LRRC45: variants seen among roughly 807,000 people sequenced by gnomAD.
LRRC45 encodes the protein leucine-rich repeat-containing protein 45.
In LRRC45, 73 loss-of-function variants were observed where a neutral mutation model predicts 85.4. That is an observed-to-expected ratio of 0.85 (90% CI 0.71 to 1.04). The LOEUF (loss-of-function observed/expected upper bound fraction) is 1.04. LRRC45 is among the 50% of genes least tolerant of loss of function. The pLI, the probability that LRRC45 is intolerant of heterozygous loss-of-function variation, is 0.00. For synonymous variants in LRRC45, 429 were observed against 386.0 expected (o/e 1.11, Z -1.31); for missense variants, 937 against 883.3 (o/e 1.06, Z -0.77).
In LRRC45 at chr17:82,025,094, G is replaced by A. The variant is rs760009238; in HGVS notation, c.448G>A (p.Asp150Asn). The A allele has an allele frequency of 5.0e-6, 8 of 1,610,748 alleles. No individual in the cohort carries two copies. In the African/African-American group the frequency reaches 5.3e-5, roughly 11 times the overall value. Residue 150 changes from aspartate to asparagine, a missense_variant, in exon 4 of 17, where the codon GAC becomes AAC. Transcript: ENST00000306688. ...LAANGALQRL[D>N]LRNNQISHKG... ...GGCCAACGGCGCCCTGCAGCGGCTGGACCTCCGCAACAACCAGATCAGTCA... is the reference window on the plus strand; with the variant it reads ...GGCCAACGGCGCCCTGCAGCGGCTGAACCTCCGCAACAACCAGATCAGTCA...
rs1193220384 is a variant in LRRC45, at chr17:82,025,090, G to C, written c.444G>C (p.Arg148=). 6.2e-7 allele frequency: 1 copy of C among 1,610,586 alleles called. No individual in the cohort carries two copies. The highest frequency in any genetic ancestry group is 8.5e-7 in the Non-Finnish European group (1 of 1,179,076). The change falls in exon 4 of 17, where the codon CGG becomes CGC. Residue 148 remains arginine (R), a synonymous_variant. Transcript: ENST00000306688. ...TGGCGGCCAACGGCGCCCTGCAGCG[G>C]CTGGACCTCCGCAACAACCAGATCA... The part of the protein sequence containing the change: ...GGLAANGALQ[R]LDLRNNQISH...
In LRRC45 at chr17:82,030,849, G is replaced by A. The variant is rs368020301; in HGVS notation, c.*44G>A. ...GGGCGCAGTAGGAGTGCATCAGGCG[G>A]CGCCCGAGATGGACCAGGGGCTGCG... On this transcript the variant is annotated 3_prime_UTR_variant, in exon 17 of 17. Transcript: ENST00000306688. 5.5e-4 allele frequency: 706 copies of A among 1,287,116 alleles called. 6 individuals are homozygous for A. In the Middle Eastern group the frequency reaches 0.018, roughly 32 times the overall value. 79.7% of individuals were successfully genotyped at this position (1,287,116 alleles called of 1,614,324 possible). A position where few individuals can be genotyped will look rare whatever the true frequency, so the allele number is the denominator to read the frequency against.
intron 14 of LRRC45, 109 bp downstream of exon 14, chr17:82,029,744 T>C: frequency 8.9e-7 from 1 of 1,126,012 alleles, no homozygotes; most frequent in Non-Finnish European, 1.3e-6. Context: ...GAGTGTGGTG[T>C]TGAGGTCAGA....
intron 2 of LRRC45, 73 bp from the exon 3 acceptor site, chr17:82,024,620 G>A: frequency 6.7e-7 from 1 of 1,494,730 alleles, no homozygotes; most frequent in Non-Finnish European, 9.0e-7. Flanking sequence ...GCTGACCAAG[G>A]CCCTTGGGGC....
At chr17:82,027,083 A>G in intron 6 of LRRC45, 72 bp downstream of exon 6, 2 of 1,311,496 alleles carry the variant, frequency 1.5e-6, no homozygotes, top group Non-Finnish European at 2.1e-6. Context: ...TTCCTCCCTC[A>G]GCCCCGTGGT....
At chr17:82,024,458 TC>T in intron 2 of LRRC45, 119 bp downstream of exon 2, 1 of 1,215,960 alleles carries the variant, frequency 8.2e-7, no homozygotes, top group Non-Finnish European at 1.2e-6. Flanking sequence ...TGTCTGTGAG[TC>T]CCCAGGCCGC....
In LRRC45 at chr17:82,029,649, G is replaced by C; in HGVS notation, c.1494+14G>C. On this transcript the variant is annotated intron_variant, in intron 14 of 16. Transcript: ENST00000306688. ...CGCCTGGAGGAGGTGAGCCACACAT[G>C]TCCGCCACCCTCCGGGGGAGCCAGG... 6.4e-7 allele frequency: 1 copy of C among 1,557,944 alleles called. No homozygotes were observed. Among genetic ancestry groups the C allele is most frequent in the Non-Finnish European group, 8.7e-7 (1 of 1,152,200 alleles).
chr17:82,023,478 C>T lies in LRRC45; in HGVS notation c.-166C>T. The T allele has an allele frequency of 4.9e-6, 3 of 614,702 alleles. No homozygotes were observed. Among genetic ancestry groups the T allele is most frequent in the Non-Finnish European group, 5.5e-6 (2 of 363,512 alleles). 38.1% of individuals were successfully genotyped at this position (614,702 alleles called of 1,614,324 possible). ...GCGGACCTTGACTACCGCCCAGCCC[C>T]GCGCTCCCAGGACCTCCCGCCCGCG... On this transcript the variant is annotated 5_prime_UTR_variant, in exon 1 of 17. Coordinates refer to ENST00000306688, the MANE Select transcript of LRRC45 (RefSeq NM_144999.4).
chr17:82,024,092 G>C (rs2043342491), intron 1 of LRRC45, 186 bp from the exon 2 acceptor site: 1 of 767,892 alleles, frequency 1.3e-6, no homozygotes, highest in African/African-American at 1.8e-5. Context: ...GAGCCGGCTT[G>C]GTGCCTGGCA....
In LRRC45 at chr17:82,028,380, C is replaced by T. The variant is rs764024752; in HGVS notation, c.1126-17C>T. The T allele has an allele frequency of 1.9e-6, 3 of 1,611,690 alleles. No homozygotes were observed. Among genetic ancestry groups the T allele is most frequent in the Admixed American group, 1.7e-5 (1 of 59,860 alleles). ...CAGGGCTGGGCTGCAGCTTCCCTCC[C>T]TGGTGCCGGCTTTCAGGTAGACGAG... On this transcript the variant is annotated splice_polypyrimidine_tract_variant and intron_variant, in intron 10 of 16. Transcript: ENST00000306688.
At chr17:82,026,292 T>C (rs1263121001) in intron 5 of LRRC45, among the ~76,000 whole-genome samples, 4 of 152,212 alleles carry the variant, frequency 2.6e-5, no homozygotes, top group African/African-American at 9.7e-5. Context: ...GGTGGCCAGA[T>C]GCCCCAGGAT....
chr17:82,024,847 C>T, intron 3 of LRRC45, 84 bp downstream of exon 3: 1 of 1,468,636 alleles, frequency 6.8e-7, no homozygotes, highest in Non-Finnish European at 9.1e-7. Flanking sequence ...CCCAAGAGTT[C>T]CCCATTGCCA....
In LRRC45 at chr17:82,024,333, C is replaced by T. The variant is rs1325517298; in HGVS notation, c.276C>T (p.Asp92=). The T allele has an allele frequency of 1.9e-6, 3 of 1,612,404 alleles. No individual in the cohort carries two copies. The highest frequency in any genetic ancestry group is 3.3e-5 in the Admixed American group (2 of 60,016). Residue 92 remains aspartate (D), a synonymous_variant, in exon 2 of 17, where the codon GAC becomes GAT. Transcript: ENST00000306688. ...CCAACACCGTGCTGCGCTTTCTGGA[C>T]TTAAAGGTGAGATACCTGCACTCTT... is the stretch of plus-strand genomic sequence containing the variant. The part of the protein sequence containing the change: ...LCANTVLRFL[D]LKGNNLRAAG...
intron 14 of LRRC45, 148 bp from the exon 15 acceptor site, chr17:82,029,917 G>A (rs1014588210): frequency 4.6e-5 from 46 of 999,614 alleles, no homozygotes; most frequent in Non-Finnish European, 5.6e-5. Flanking sequence ...GGCATCTGGA[G>A]GAGGTGGCTG....
At chr17:82,024,851 A>C (rs2043353269) in intron 3 of LRRC45, 88 bp downstream of exon 3, 1 of 1,462,324 alleles carries the variant, frequency 6.8e-7, no homozygotes, top group Admixed American at 2.6e-5. Context: ...AGAGTTCCCC[A>C]TTGCCAGGTG....
At chr17:82,029,213 T>G in intron 13 of LRRC45, 28 bp downstream of exon 13, 2 of 1,594,932 alleles carry the variant, frequency 1.3e-6, no homozygotes, top group Middle Eastern at 4.1e-4. Context: ...AGGGCCAAGC[T>G]CTGCCTTAGT....
In LRRC45 at chr17:82,024,323, G is replaced by A. The variant is rs766533025; in HGVS notation, c.266G>A (p.Arg89His). 7.4e-6 allele frequency: 12 copies of A among 1,612,326 alleles called. No homozygotes were observed. Among genetic ancestry groups the A allele is most frequent in the Admixed American group, 1.7e-5 (1 of 59,994 alleles). Residue 89 changes from arginine to histidine, a missense_variant, in exon 2 of 17, where the codon CGC becomes CAC. Arg to His is a conservative substitution (Grantham distance 29). Transcript: ENST00000306688. Reference protein sequence around the residue: ...LRGLCANTVLRFLDLKGNNLR... With the variant: ...LRGLCANTVLHFLDLKGNNLR... ...GGCCTGTGTGCCAACACCGTGCTGC[G>A]CTTTCTGGACTTAAAGGTGAGATAC...
intron 12 of LRRC45, 119 bp downstream of exon 12, chr17:82,028,802 G>GT: frequency 3.4e-6 from 4 of 1,164,282 alleles, no homozygotes; most frequent in Non-Finnish European, 3.6e-6. Flanking sequence ...CTGGGTGGCC[G>GT]TATTTTGCCA....
At position 82,027,381 on chromosome 17, in the gene LRRC45, C is replaced by G. The variant is rs1321271156; in HGVS notation, c.775-5C>G. On this transcript the variant is annotated splice_polypyrimidine_tract_variant and splice_region_variant and intron_variant, in intron 6 of 16. Coordinates refer to ENST00000306688, the MANE Select transcript of LRRC45 (RefSeq NM_144999.4). ...TGACAGGGCTGCGGCTGTCTCTGTC[C>G]CCAGTTCCTCGACTTGATGGAGACT... 1 of 1,612,578 alleles carries G rather than the reference C, an allele frequency of 6.2e-7. No individual in the cohort carries two copies. Among genetic ancestry groups the G allele is most frequent in the Admixed American group, 1.7e-5 (1 of 60,024 alleles).
Sources: allele counts gnomAD v4.1 joint callset (sites outside exome capture counted in the v4.1 genomes callset), GRCh38; gene constraint gnomAD v4.1.1; transcripts MANE v1.5; gene names NCBI Gene and HGNC (gene_info 2026-07-23, HGNC 2026-07-21).